Variants in DCDC1 observed in about 807,000 individuals in gnomAD.
DCDC1 encodes the protein doublecortin domain containing 1, also known as doublecortin domain-containing protein 1.
Under a neutral mutation model 178.3 loss-of-function variants are expected in DCDC1, and 200 were observed. That is an observed-to-expected ratio of 1.12 (90% CI 1.00 to 1.26). DCDC1 has a LOEUF of 1.26. Among genes scored for constraint, DCDC1 ranks in the 50% most tolerant of loss-of-function variants. The probability of loss-of-function intolerance (pLI) is 0.00; values close to 1 mark genes in which losing one functional copy is unlikely to be tolerated. For missense variants in DCDC1, 1,983 were observed against 1,749.2 expected, an observed-to-expected ratio of 1.13 and a Z score of -2.38; for synonymous variants, 690 against 604.8, an observed-to-expected ratio of 1.14 and a Z score of -2.07.
chr11:31,326,506 A>C (rs1038943618), intron 3 of DCDC1, among the ~76,000 whole-genome samples: 1 of 152,332 alleles, frequency 6.6e-6, no homozygotes, highest in African/African-American at 2.4e-5. Context: ...TTATATTAGA[A>C]TTGGCATTTG....
chr11:31,300,561 A>G (rs1170137041), intron 6 of DCDC1, among the ~76,000 whole-genome samples: 2 of 152,154 alleles, frequency 1.3e-5, no homozygotes, highest in Non-Finnish European at 2.9e-5. Context: ...AGAATCTTGC[A>G]ACATCAGCTG....
At chr11:30,925,163 C>T (rs57282960) in intron 23 of DCDC1, 146 bp downstream of exon 23, 3 of 689,428 alleles carry the variant, frequency 4.4e-6, no homozygotes, top group Non-Finnish European at 7.2e-6. Flanking sequence ...GTTAGTATTA[C>T]TTTCTGATGT....
chr11:31,354,869 C>T (rs1437888762), intron 1 of DCDC1, among the ~76,000 whole-genome samples: 1 of 152,174 alleles, frequency 6.6e-6, no homozygotes, highest in Non-Finnish European at 1.5e-5. Context: ...GATTCCATCA[C>T]ATCAAGTCTC....
intron 20 of DCDC1, among the ~76,000 whole-genome samples, chr11:30,980,122 G>C (rs1950318019): frequency 6.6e-6 from 1 of 152,162 alleles, no homozygotes; most frequent in Non-Finnish European, 1.5e-5. Flanking sequence ...ATCTACTAGA[G>C]TAGACTATAG....
At chr11:31,072,252 T>C (rs1231812426) in intron 18 of DCDC1, among the ~76,000 whole-genome samples, 4 of 152,190 alleles carry the variant, frequency 2.6e-5, no homozygotes, top group African/African-American at 4.8e-5. Context: ...CTGTCATGTA[T>C]TTCCTTTTAA....
chr11:31,013,988 C>T (rs1378051565), intron 20 of DCDC1, among the ~76,000 whole-genome samples: 2 of 152,190 alleles, frequency 1.3e-5, no homozygotes, highest in African/African-American at 4.8e-5. Context: ...TGCCTCCTGG[C>T]ATTTCCAACC....
At chr11:31,363,930 A>T (rs1173197137) in intron 1 of DCDC1, among the ~76,000 whole-genome samples, 2 of 152,210 alleles carry the variant, frequency 1.3e-5, no homozygotes, top group African/African-American at 2.4e-5. Context: ...ATACATATTC[A>T]GAAGAAGCCA....
chr11:31,173,809 C>A, intron 9 of DCDC1, among the ~76,000 whole-genome samples: 1 of 151,726 alleles, frequency 6.6e-6, no homozygotes, highest in African/African-American at 2.4e-5. Context: ...GGGTGACAAC[C>A]CAAAAAAGAA....
chr11:31,207,610 A>G (rs749153694), intron 9 of DCDC1, among the ~76,000 whole-genome samples: 17 of 152,184 alleles, frequency 1.1e-4, no homozygotes, highest in Non-Finnish European at 1.9e-4. Flanking sequence ...ATCTTTTGCA[A>G]TATCAGTTGT....
At chr11:31,244,922 G>A (rs923997747) in intron 8 of DCDC1, among the ~76,000 whole-genome samples, 3 of 151,676 alleles carry the variant, frequency 2.0e-5, no homozygotes, top group Non-Finnish European at 4.4e-5. Flanking sequence ...CCAAAAAAGA[G>A]TAACTCCACT....
At chr11:30,906,003 G>C (rs2134142765) in intron 30 of DCDC1, among the ~76,000 whole-genome samples, 1 of 152,220 alleles carries the variant, frequency 6.6e-6, no homozygotes, top group East Asian at 1.9e-4. Context: ...CAGTTGAAAG[G>C]GAGGGTTTTT....
intron 20 of DCDC1, among the ~76,000 whole-genome samples, chr11:31,026,173 C>T (rs1953218373): frequency 6.6e-6 from 1 of 151,672 alleles, no homozygotes; most frequent in South Asian, 2.1e-4. Context: ...GCTCTGTTAT[C>T]CCTTTAGACA....
At chr11:31,155,041 T>C (rs556068093) in intron 9 of DCDC1, among the ~76,000 whole-genome samples, 1 of 152,326 alleles carries the variant, frequency 6.6e-6, no homozygotes, top group African/African-American at 2.4e-5. Flanking sequence ...TTTTACTTAG[T>C]TCTGACTTTC....
At chr11:30,947,984 AT>A (rs1249335872) in intron 21 of DCDC1, among the ~76,000 whole-genome samples, 1 of 152,136 alleles carries the variant, frequency 6.6e-6, no homozygotes, top group Non-Finnish European at 1.5e-5. Context: ...TCAACATAGT[AT>A]TGGAAGTGGC....
At chr11:31,346,322 G>A (rs573062637) in intron 1 of DCDC1, among the ~76,000 whole-genome samples, 12 of 151,836 alleles carry the variant, frequency 7.9e-5, no homozygotes, top group African/African-American at 1.2e-4. Flanking sequence ...AAATTAGCCC[G>A]GCATGGTGGC....
rs544389698 is a variant in DCDC1, at chr11:30,930,572, C to T, written c.2897+1199G>A. Among the ~76,000 whole-genome samples, 3 of 152,250 alleles carry T rather than the reference C, an allele frequency of 2.0e-5. No individual in the cohort carries two copies. The East Asian group carries it at 5.8e-4, about 29-fold the overall frequency. On this transcript the variant is annotated intron_variant, in intron 22 of 38. Coordinates refer to ENST00000684477, the MANE Select transcript of DCDC1 (RefSeq NM_001387274.1). Reference sequence around the variant, plus strand: ...TGAACATAGCATATGGGCAGCACAGCATTTCACATATTCTCTGCTAGAACA... The same window carrying T: ...TGAACATAGCATATGGGCAGCACAGTATTTCACATATTCTCTGCTAGAACA...
intron 10 of DCDC1, 65 bp downstream of exon 10, chr11:31,137,627 C>G (rs923518433): frequency 1.5e-6 from 1 of 680,524 alleles, no homozygotes; most frequent in Non-Finnish European, 2.7e-6. Flanking sequence ...GGATTACAGG[C>G]GTAAGCCACT....
chr11:31,247,518 G>GTT (rs1943650110), intron 8 of DCDC1, among the ~76,000 whole-genome samples: 1 of 151,822 alleles, frequency 6.6e-6, no homozygotes, highest in South Asian at 2.1e-4. Flanking sequence ...GGAAATAAGA[G>GTT]TTGCCATGTT....
intron 20 of DCDC1, among the ~76,000 whole-genome samples, chr11:31,036,669 C>T (rs1450046171): frequency 6.6e-6 from 1 of 152,072 alleles, no homozygotes; most frequent in Non-Finnish European, 1.5e-5. Flanking sequence ...CTTTGTATAC[C>T]AAAATCAAGT....
Sources: gnomAD v4.1 joint callset for allele counts (sites outside exome capture counted in the v4.1 genomes callset) on GRCh38, gnomAD v4.1.1 for gene constraint, MANE v1.5 for transcripts, NCBI Gene and HGNC (gene_info 2026-07-23, HGNC 2026-07-21) for gene names.